WWOX: variants seen among roughly 807,000 people sequenced by gnomAD.
WWOX encodes the protein WW domain containing oxidoreductase.
In WWOX, 69 loss-of-function variants were observed where a neutral mutation model predicts 46.2. The ratio of observed to expected loss-of-function variants is 1.49; its 90% CI spans 1.23 to 1.82. The LOEUF (loss-of-function observed/expected upper bound fraction) is 1.82, where lower values mean the gene tolerates loss of function less well. WWOX is among the 40% of genes most tolerant of loss of function. The probability of loss-of-function intolerance (pLI) is 0.00; values close to 1 mark genes in which losing one functional copy is unlikely to be tolerated. For synonymous variants in WWOX, 359 were observed against 202.6 expected (o/e 1.77, Z -6.56); for missense variants, 919 against 542.6 (o/e 1.69, Z -6.89).
At chr16:78,152,900 G>C in intron 4 of WWOX, among the ~76,000 whole-genome samples, 2 of 58,582 alleles carry the variant, frequency 3.4e-5, no homozygotes, top group South Asian at 1.1e-3. Context: ...TCTTGAGTTG[G>C]TATGTTTTTT....
intron 8 of WWOX, among the ~76,000 whole-genome samples, chr16:78,461,038 T>C (rs1259254244): frequency 6.6e-6 from 1 of 152,192 alleles, no homozygotes; most frequent in Non-Finnish European, 1.5e-5. Context: ...TCTGACACAG[T>C]GTTGGTGGTT....
rs111899940 is a variant in WWOX, at chr16:78,526,743, C to G, written c.1056+93991C>G. 1.0e-3 allele frequency among the ~76,000 whole-genome samples: 159 copies of G among 152,298 alleles called. 1 individual carries two copies. Among genetic ancestry groups the G allele is most frequent in the African/African-American group, 3.7e-3 (154 of 41,578 alleles). ...CATCTCCAAGTCCATGCCCAGGCCCCTACTAGGAGTTGAGGGCAACAGGGG... is the reference window on the plus strand; with the variant it reads ...CATCTCCAAGTCCATGCCCAGGCCCGTACTAGGAGTTGAGGGCAACAGGGG... On this transcript the variant is annotated intron_variant, in intron 8 of 8. Coordinates refer to ENST00000566780, the MANE Select transcript of WWOX (RefSeq NM_016373.4).
intron 5 of WWOX, among the ~76,000 whole-genome samples, chr16:78,301,765 A>G (rs956265491): frequency 6.6e-6 from 1 of 152,162 alleles, no homozygotes; most frequent in Non-Finnish European, 1.5e-5. Context: ...CAACTACAGC[A>G]CAGATGCACT....
At chr16:78,986,772 T>C (rs1480864024) in intron 8 of WWOX, among the ~76,000 whole-genome samples, 1 of 152,222 alleles carries the variant, frequency 6.6e-6, no homozygotes, top group African/African-American at 2.4e-5. Context: ...AGAAGAGATT[T>C]TAAAGTACTA....
chr16:78,433,971 A>G (rs2083281463), intron 8 of WWOX, among the ~76,000 whole-genome samples: 3 of 151,292 alleles, frequency 2.0e-5, no homozygotes, highest in African/African-American at 7.3e-5. Flanking sequence ...TTGTATTTTT[A>G]GTAGAGACGG....
intron 6 of WWOX, among the ~76,000 whole-genome samples, chr16:78,403,253 C>G (rs1414708441): frequency 6.6e-6 from 1 of 152,186 alleles, no homozygotes; most frequent in Non-Finnish European, 1.5e-5. Flanking sequence ...CTGCCACCAC[C>G]TATTAAAGCC....
chr16:78,834,146 T>A (rs2051909794), intron 8 of WWOX, among the ~76,000 whole-genome samples: 1 of 152,202 alleles, frequency 6.6e-6, no homozygotes, highest in Non-Finnish European at 1.5e-5. Context: ...TGCTGTGGCC[T>A]GAATAACAAC....
chr16:78,826,415 C>T lies in WWOX; in HGVS notation c.1057-385193C>T, dbSNP rs559151085. On this transcript the variant is annotated intron_variant, in intron 8 of 8. Coordinates refer to ENST00000566780, the MANE Select transcript of WWOX (RefSeq NM_016373.4). ...CCAGACATTCAGAATCAAGGCAGGG[C>T]TATACTTACTTTGGAGGCTCTAGCT... 1.9e-4 allele frequency among the ~76,000 whole-genome samples: 29 copies of T among 152,322 alleles called. No homozygotes were observed. The South Asian group carries it at 5.0e-3, about 26-fold the overall frequency.
In WWOX at chr16:78,440,562, C is replaced by G. The variant is rs141693631; in HGVS notation, c.1056+7810C>G. Among the ~76,000 whole-genome samples, 307 of 151,968 alleles carry G rather than the reference C, an allele frequency of 2.0e-3. 1 individual carries two copies. Among genetic ancestry groups the G allele is most frequent in the Middle Eastern group, 6.9e-3 (2 of 290 alleles). ...AGTAAATGAAGAGTCCCTGGAATTT[C>G]TTCTTCATAACATTGAACACAACTG... On this transcript the variant is annotated intron_variant, in intron 8 of 8. Coordinates refer to ENST00000566780, the MANE Select transcript of WWOX (RefSeq NM_016373.4).
At chr16:78,147,699 A>ATTTTTTT (rs2034255143) in intron 4 of WWOX, among the ~76,000 whole-genome samples, 5 of 76,886 alleles carry the variant, frequency 6.5e-5, no homozygotes, top group African/African-American at 1.8e-4. Context: ...TTTTTTTTAA[A>ATTTTTTT]AAAAAAAAAG....
chr16:78,710,425 A>G (rs2048414121), intron 8 of WWOX, among the ~76,000 whole-genome samples: 3 of 136,836 alleles, frequency 2.2e-5, no homozygotes. Context: ...CACCAGTGGG[A>G]TGCAAGAATT....
At chr16:78,830,029 G>C (rs974334594) in intron 8 of WWOX, among the ~76,000 whole-genome samples, 11 of 152,060 alleles carry the variant, frequency 7.2e-5, no homozygotes, top group African/African-American at 2.2e-4. Flanking sequence ...AGTCTGAAGT[G>C]GTAGGATCAC....
At chr16:78,112,567 A>T (rs527644263) in intron 3 of WWOX, among the ~76,000 whole-genome samples, 17 of 152,126 alleles carry the variant, frequency 1.1e-4, no homozygotes, top group African/African-American at 4.1e-4. Context: ...GATAGGTGGG[A>T]GTGCCTATTA....
At chr16:78,900,801 T>G (rs2044812099) in intron 8 of WWOX, among the ~76,000 whole-genome samples, 2 of 151,926 alleles carry the variant, frequency 1.3e-5, no homozygotes, top group Admixed American at 1.3e-4. Context: ...CTTTTTTATT[T>G]GAAGGATATT....
chr16:78,140,233 C>A (rs1188584689), intron 4 of WWOX, among the ~76,000 whole-genome samples: 1 of 152,132 alleles, frequency 6.6e-6, no homozygotes, highest in Non-Finnish European at 1.5e-5. Context: ...CAGTCCACCC[C>A]CTGCACCATG....
At chr16:79,204,604 C>G (rs553710960) in intron 8 of WWOX, 1 of 152,274 alleles carries the variant, frequency 6.6e-6, no homozygotes, top group Admixed American at 6.5e-5. Context: ...GGGCTTCACT[C>G]GTTTCATGGA....
At chr16:78,766,019 C>T (rs1200794389) in intron 8 of WWOX, among the ~76,000 whole-genome samples, 6 of 152,130 alleles carry the variant, frequency 3.9e-5, no homozygotes, top group African/African-American at 1.4e-4. Flanking sequence ...CAAGTCTGCA[C>T]AGAAAAGGTT....
At chr16:78,651,644 C>T (rs761082616) in intron 8 of WWOX, among the ~76,000 whole-genome samples, 2 of 152,212 alleles carry the variant, frequency 1.3e-5, no homozygotes, top group Non-Finnish European at 2.9e-5. Context: ...CAGCTCATGT[C>T]CCCAGGCCAT....
chr16:78,920,829 G>T (rs986952835), intron 8 of WWOX, among the ~76,000 whole-genome samples: 1 of 152,338 alleles, frequency 6.6e-6, no homozygotes, highest in South Asian at 2.1e-4. Context: ...GGCTTTGGCT[G>T]TTGTGAGGAA....
Sources: gnomAD v4.1 joint callset for allele counts (sites outside exome capture counted in the v4.1 genomes callset) on GRCh38, gnomAD v4.1.1 for gene constraint, MANE v1.5 for transcripts, NCBI Gene and HGNC (gene_info 2026-07-23, HGNC 2026-07-21) for gene names.